Variants in AGAP1 observed in about 807,000 individuals in gnomAD.
The protein encoded by AGAP1 is ArfGAP with GTPase domain, ankyrin repeat and PH domain 1, also known as arf-GAP with GTPase, ANK repeat and PH domain-containing protein 1.
In AGAP1, 29 loss-of-function variants were observed where a neutral mutation model predicts 105.3. The ratio of observed to expected loss-of-function variants is 0.28; its 90% CI spans 0.21 to 0.38. AGAP1 has a LOEUF of 0.38. AGAP1 is among the 10% of genes least tolerant of loss of function. AGAP1 has a pLI of 1.00. For missense variants in AGAP1, 998 were observed against 1,165.1 expected (o/e 0.86, Z 2.09); for synonymous variants, 509 against 485.9 (o/e 1.05, Z -0.63).
chr2:235,870,447 C>A (rs1022836681), intron 9 of AGAP1, among the ~76,000 whole-genome samples: 1 of 152,030 alleles, frequency 6.6e-6, no homozygotes, highest in Non-Finnish European at 1.5e-5. Context: ...GCCAACATGG[C>A]GAAACCCTGT....
rs1225825028 is a variant in AGAP1 at position 236,035,410 on chromosome 2, G to T, written c.1646-1151G>T. 6.6e-6 allele frequency among the ~76,000 whole-genome samples: 1 copy of T among 152,142 alleles called. No individual in the cohort carries two copies. Among genetic ancestry groups the T allele is most frequent in the Admixed American group, 6.5e-5 (1 of 15,282 alleles). On this transcript the variant is annotated intron_variant, in intron 13 of 17. Coordinates refer to ENST00000304032, the MANE Select transcript of AGAP1 (RefSeq NM_001037131.3). The surrounding 1 kb of genome is among the most constrained non-coding windows in gnomAD (Gnocchi z 4.2). The stretch of plus-strand genomic sequence containing the variant: ...GCACTTTGGGAGGCCAAGGAGTGAG[G>T]ATCACTTGAGATCAGGAGTTTGAGA...
intron 1 of AGAP1, among the ~76,000 whole-genome samples, chr2:235,509,651 C>A (rs911709314): frequency 6.6e-6 from 1 of 152,146 alleles, no homozygotes; most frequent in Non-Finnish European, 1.5e-5. Flanking sequence ...CCCAACACTT[C>A]CTCATGCCCG....
intron 9 of AGAP1, among the ~76,000 whole-genome samples, chr2:235,832,838 A>G (rs1191669701): frequency 6.6e-6 from 1 of 152,206 alleles, no homozygotes; most frequent in Non-Finnish European, 1.5e-5. Context: ...CCATGGATCA[A>G]TACCATGTGT....
rs1313001110 is a variant in AGAP1, at chr2:236,045,266, C to T, written c.1892-3793C>T. Reference sequence around the variant, plus strand: ...GGTCTGTCCTCATAGAATCTACGTCCTGCATTTCTGTGGGCAGGGATTTTT... The same window carrying T: ...GGTCTGTCCTCATAGAATCTACGTCTTGCATTTCTGTGGGCAGGGATTTTT... On this transcript the variant is annotated intron_variant, in intron 15 of 17. Transcript: ENST00000304032. This position sits in a 1 kb window ranked among gnomAD's most constrained non-coding sequence, Gnocchi z 6.9. Among the ~76,000 whole-genome samples, 1 of 152,098 alleles carries T rather than the reference C, an allele frequency of 6.6e-6. No homozygotes were observed. The highest frequency in any genetic ancestry group is 2.4e-5 in the African/African-American group (1 of 41,414).
chr2:235,777,028 G>C lies in AGAP1; in HGVS notation c.674-20731G>C, dbSNP rs748152950. ...ATCATGTGAGCGTCTGCTCTTGAGA[G>C]GCCAGGCTGGATCCTGCAGAGAAAC... On this transcript the variant is annotated intron_variant, in intron 6 of 17. Transcript: ENST00000304032. This position sits in a 1 kb window ranked among gnomAD's most constrained non-coding sequence, Gnocchi z 5.1. 4.7e-5 allele frequency: 22 copies of C among 471,060 alleles called. No individual in the cohort carries two copies. Among genetic ancestry groups the C allele is most frequent in the Admixed American group, 9.4e-5 (4 of 42,566 alleles). 29.2% of individuals were successfully genotyped at this position (471,060 alleles called of 1,614,324 possible).
rs946785117 is a variant in AGAP1, at chr2:235,989,487, G to C, written c.1645+20864G>C. ...TGCTGGGACAGGATGAGCTGGGCTG[G>C]AGGAGGGTTTGCCCTAGGGAGGCAG... On this transcript the variant is annotated intron_variant, in intron 13 of 17. Transcript: ENST00000304032. The surrounding 1 kb of genome is among the most constrained non-coding windows in gnomAD (Gnocchi z 4.4). Among the ~76,000 whole-genome samples, 7 of 152,164 alleles carry C rather than the reference G, an allele frequency of 4.6e-5. No individual in the cohort carries two copies. Among genetic ancestry groups the C allele is most frequent in the Non-Finnish European group, 8.8e-5 (6 of 68,022 alleles).
At chr2:236,072,514 C>T (rs1332181929) in intron 16 of AGAP1, 1 of 152,252 alleles carries the variant, frequency 6.6e-6, no homozygotes, top group Non-Finnish European at 1.5e-5. Context: ...TCATGGCTCA[C>T]TGCAGCCTTA....
Position 235,720,370 on chromosome 2 carries a change from T to A in AGAP1, c.310+2726T>A, listed in dbSNP as rs1951320076. Among the ~76,000 whole-genome samples, 1 of 152,114 alleles carries A rather than the reference T, an allele frequency of 6.6e-6. No homozygotes were observed. On this transcript the variant is annotated intron_variant, in intron 3 of 17. Coordinates refer to ENST00000304032, the MANE Select transcript of AGAP1 (RefSeq NM_001037131.3). The surrounding 1 kb of genome is among the most constrained non-coding windows in gnomAD (Gnocchi z 5.0). Reference sequence around the variant, plus strand: ...GGGTGTGTGGAGACTATCAAAGGGATGTGTTGTCCTCGGGGAGTGCTGGAG... The same window carrying A: ...GGGTGTGTGGAGACTATCAAAGGGAAGTGTTGTCCTCGGGGAGTGCTGGAG...
rs2057581086 is a variant in AGAP1 at position 236,042,534 on chromosome 2, C to T, written c.1891+1693C>T. ...TTAAAAGTAAGAGCTTTTTTAAAAG[C>T]ACGAATCTGAGAAATATTAGAACAT... On this transcript the variant is annotated intron_variant, in intron 15 of 17. Coordinates refer to ENST00000304032, the MANE Select transcript of AGAP1 (RefSeq NM_001037131.3). The surrounding 1 kb of genome is among the most constrained non-coding windows in gnomAD (Gnocchi z 5.6). Among the ~76,000 whole-genome samples, 1 of 152,162 alleles carries T rather than the reference C, an allele frequency of 6.6e-6. No individual in the cohort carries two copies. Among genetic ancestry groups the T allele is most frequent in the Admixed American group, 6.5e-5 (1 of 15,280 alleles).
rs969270207 is a variant in AGAP1 at position 235,787,287 on chromosome 2, A to G, written c.674-10472A>G. 1.3e-5 allele frequency among the ~76,000 whole-genome samples: 2 copies of G among 152,244 alleles called. No individual in the cohort carries two copies. The highest frequency in any genetic ancestry group is 4.8e-5 in the African/African-American group (2 of 41,472). Reference sequence around the variant, plus strand: ...ACGTGCTAATGACTTCCTGTTCCACAGGCGTAACACTTTCTAATGTTTCAT... The same window carrying G: ...ACGTGCTAATGACTTCCTGTTCCACGGGCGTAACACTTTCTAATGTTTCAT... On this transcript the variant is annotated intron_variant, in intron 6 of 17. Transcript: ENST00000304032. The surrounding 1 kb of genome is among the most constrained non-coding windows in gnomAD (Gnocchi z 4.4).
chr2:235,571,710 G>A (rs760989928), intron 1 of AGAP1, among the ~76,000 whole-genome samples: 43 of 152,140 alleles, frequency 2.8e-4, no homozygotes, highest in Non-Finnish European at 5.1e-4. Flanking sequence ...AAAGGGAAGA[G>A]GCAGACGCTG....
chr2:235,584,314 C>A (rs73996176), intron 1 of AGAP1, among the ~76,000 whole-genome samples: 1,969 of 151,064 alleles, frequency 0.013, 47 homozygotes, highest in African/African-American at 0.045. Flanking sequence ...GTTCTGCACT[C>A]TTTGTTCTTA....
intron 1 of AGAP1, among the ~76,000 whole-genome samples, chr2:235,515,472 G>T (rs183085365): frequency 2.0e-5 from 3 of 152,206 alleles, no homozygotes; most frequent in Admixed American, 6.5e-5. Flanking sequence ...AAAGACAGGG[G>T]CGTAGATACT....
intron 1 of AGAP1, among the ~76,000 whole-genome samples, chr2:235,499,386 A>C (rs1480141296): frequency 2.0e-5 from 3 of 152,194 alleles, no homozygotes; most frequent in Non-Finnish European, 4.4e-5. Flanking sequence ...GCAGGTGTGC[A>C]TGTTTAGGGA....
Position 236,096,093 on chromosome 2 carries a change from G to A in AGAP1, c.2115-24099G>A, listed in dbSNP as rs772809779. Among the ~76,000 whole-genome samples the A allele has an allele frequency of 6.6e-6, 1 of 152,200 alleles. No homozygotes were observed. Among genetic ancestry groups the A allele is most frequent in the Non-Finnish European group, 1.5e-5 (1 of 68,032 alleles). ...CCTCAGATTTGGTGGAAGCAATACT[G>A]ATGATGGAACCGCAGTACTATGTAT... is the stretch of plus-strand genomic sequence containing the variant. On this transcript the variant is annotated intron_variant, in intron 16 of 17. Coordinates refer to ENST00000304032, the MANE Select transcript of AGAP1 (RefSeq NM_001037131.3). The surrounding 1 kb of genome is among the most constrained non-coding windows in gnomAD (Gnocchi z 4.4).
rs967924269 is a variant in AGAP1, at chr2:236,124,862, C to T, written c.*740C>T. 10 of 153,412 alleles carry T rather than the reference C, an allele frequency of 6.5e-5. No individual in the cohort carries two copies. Among genetic ancestry groups the T allele is most frequent in the African/African-American group, 1.9e-4 (8 of 41,456 alleles). The allele number at this position is 153,412 out of a possible 1,614,324, so 9.5% of individuals were successfully genotyped here. A position where few individuals can be genotyped will look rare whatever the true frequency, so the allele number is the denominator to read the frequency against. On this transcript the variant is annotated 3_prime_UTR_variant, in exon 18 of 18. Transcript: ENST00000304032. This position sits in a 1 kb window ranked among gnomAD's most constrained non-coding sequence, Gnocchi z 5.1. ...ATTATCCCAGACATGTTCTTTCAAG[C>T]CCTTGGAGCCCTCTCTAAATTCACT... is the stretch of plus-strand genomic sequence containing the variant.
chr2:235,710,686 C>G (rs1487279275), intron 2 of AGAP1, among the ~76,000 whole-genome samples: 1 of 152,210 alleles, frequency 6.6e-6, no homozygotes, highest in Non-Finnish European at 1.5e-5. Context: ...TGTCTTAAGC[C>G]TATTGAAGCC....
intron 1 of AGAP1, among the ~76,000 whole-genome samples, chr2:235,657,574 G>A (rs1947814119): frequency 6.6e-6 from 1 of 152,102 alleles, no homozygotes; most frequent in Admixed American, 6.5e-5. Context: ...AGAGATGGGG[G>A]TTTCACCATG....
At chr2:235,862,420 A>G (rs1444773587) in intron 9 of AGAP1, among the ~76,000 whole-genome samples, 1 of 152,198 alleles carries the variant, frequency 6.6e-6, no homozygotes, top group Non-Finnish European at 1.5e-5. Context: ...TGCACATGGA[A>G]TGTTTCTGGA....
Sources: allele counts gnomAD v4.1 joint callset (sites outside exome capture counted in the v4.1 genomes callset), GRCh38; gene constraint gnomAD v4.1.1; non-coding constraint Gnocchi (gnomAD v3.1); transcripts MANE v1.5; gene names NCBI Gene and HGNC (gene_info 2026-07-23, HGNC 2026-07-21).